Variants in MTUS2 observed in about 807,000 individuals in gnomAD.
MTUS2 encodes microtubule-associated tumor suppressor candidate 2.
Under a neutral mutation model 114.1 loss-of-function variants are expected in MTUS2, and 40 were observed. The observed-to-expected ratio is 0.35, with a 90% CI of 0.27 to 0.46. MTUS2 has a LOEUF of 0.46. MTUS2 is among the 20% of genes least tolerant of loss of function. The pLI, the probability that MTUS2 is intolerant of heterozygous loss-of-function variation, is 1.00. For synonymous variants in MTUS2, 688 were observed against 672.0 expected (o/e 1.02, Z -0.37); for missense variants, 1,679 against 1,705.4 (o/e 0.98, Z 0.27).
chr13:28,870,522 C>T (rs1877558488), intron 2 of MTUS2, among the ~76,000 whole-genome samples: 1 of 152,080 alleles, frequency 6.6e-6, no homozygotes, highest in African/African-American at 2.4e-5. Context: ...ATTGACTGCC[C>T]AGGTTATGGA....
chr13:29,439,478 G>T (rs1593444675), intron 8 of MTUS2, among the ~76,000 whole-genome samples: 1 of 152,242 alleles, frequency 6.6e-6, no homozygotes, highest in East Asian at 1.9e-4. Flanking sequence ...AAAGAGAAAT[G>T]TTTCATGCTA....
At chr13:28,886,949 G>T (rs1308769821) in intron 2 of MTUS2, among the ~76,000 whole-genome samples, 11 of 152,210 alleles carry the variant, frequency 7.2e-5, no homozygotes, top group Non-Finnish European at 1.5e-4. Context: ...TGGCAGGTTG[G>T]AGCGCTAGGA....
chr13:29,131,841 A>G (rs553907004), intron 5 of MTUS2, among the ~76,000 whole-genome samples: 1 of 152,374 alleles, frequency 6.6e-6, no homozygotes, highest in South Asian at 2.1e-4. Context: ...ATCAAATGAA[A>G]GTCATCCCTA....
intron 5 of MTUS2, among the ~76,000 whole-genome samples, chr13:29,126,160 C>T (rs774831015): frequency 3.1e-4 from 47 of 152,116 alleles, no homozygotes; most frequent in Non-Finnish European, 5.1e-4. Flanking sequence ...TGTCCTCATA[C>T]CTGCACTTCC....
chr13:29,265,822 A>G (rs993918223), intron 5 of MTUS2, among the ~76,000 whole-genome samples: 7 of 152,220 alleles, frequency 4.6e-5, no homozygotes, highest in African/African-American at 9.6e-5. Context: ...ATCCACTGCC[A>G]TGATTCAAAC....
At chr13:29,491,350 G>A (rs1244541067) in intron 11 of MTUS2, among the ~76,000 whole-genome samples, 1 of 150,398 alleles carries the variant, frequency 6.6e-6, no homozygotes, top group Non-Finnish European at 1.5e-5. Context: ...GGTGTGTTAT[G>A]CGTGTGTGGT....
At chr13:29,501,548 A>G (rs1233633270) in intron 15 of MTUS2, among the ~76,000 whole-genome samples, 2 of 152,224 alleles carry the variant, frequency 1.3e-5, no homozygotes, top group Admixed American at 6.5e-5. Flanking sequence ...CCCAACTTCC[A>G]GAAATTCACA....
chr13:29,005,226 T>G (rs1015143633), intron 2 of MTUS2, among the ~76,000 whole-genome samples: 1 of 152,168 alleles, frequency 6.6e-6, no homozygotes, highest in South Asian at 2.1e-4. Flanking sequence ...TGATGAGTAC[T>G]CAGCCACCAG....
intron 2 of MTUS2, among the ~76,000 whole-genome samples, chr13:29,018,039 G>GT (rs1272812842): frequency 6.6e-6 from 1 of 152,194 alleles, no homozygotes; most frequent in Non-Finnish European, 1.5e-5. Context: ...AAAATACCTA[G>GT]TTCCACCTCT....
At chr13:29,222,437 T>G (rs758668775) in intron 5 of MTUS2, among the ~76,000 whole-genome samples, 28 of 152,256 alleles carry the variant, frequency 1.8e-4, no homozygotes, top group Admixed American at 7.9e-4. Flanking sequence ...TTGTTAGGAT[T>G]TATATTAAAA....
chr13:29,041,998 C>T (rs1204311386), intron 4 of MTUS2, among the ~76,000 whole-genome samples: 2 of 152,098 alleles, frequency 1.3e-5, no homozygotes, highest in Non-Finnish European at 2.9e-5. Context: ...ACTTCCAGTA[C>T]TATGTTGAAG....
chr13:29,244,994 TGAGTG>T (rs1164124911), intron 5 of MTUS2, among the ~76,000 whole-genome samples: 1 of 143,906 alleles, frequency 6.9e-6, no homozygotes, highest in East Asian at 2.1e-4. Flanking sequence ...AAAAGTCTGT[TGAGTG>T]GAAGATGTAA....
At chr13:29,171,996 T>TC (rs1437301275) in intron 5 of MTUS2, among the ~76,000 whole-genome samples, 2 of 152,200 alleles carry the variant, frequency 1.3e-5, no homozygotes, top group African/African-American at 4.8e-5. Flanking sequence ...TCCTGTTTCT[T>TC]CCAGGTGGCC....
At chr13:29,215,179 C>T (rs144933566) in intron 5 of MTUS2, among the ~76,000 whole-genome samples, 47 of 151,762 alleles carry the variant, frequency 3.1e-4, no homozygotes, top group African/African-American at 8.7e-4. Context: ...GTATGCTTCA[C>T]GAAGTTCTCT....
intron 5 of MTUS2, among the ~76,000 whole-genome samples, chr13:29,168,138 T>C (rs1442222475): frequency 1.3e-5 from 2 of 152,208 alleles, no homozygotes; most frequent in Non-Finnish European, 2.9e-5. Context: ...GGAGGATATA[T>C]TCTGAACATT....
At chr13:28,837,294 G>GT (rs1217685631) in intron 1 of MTUS2, among the ~76,000 whole-genome samples, 2 of 152,216 alleles carry the variant, frequency 1.3e-5, no homozygotes, top group Non-Finnish European at 2.9e-5. Context: ...GCAGCCACCT[G>GT]TTTCGGGTTT....
chr13:29,315,918 C>T (rs1899969245), intron 6 of MTUS2, among the ~76,000 whole-genome samples: 2 of 152,018 alleles, frequency 1.3e-5, no homozygotes, highest in South Asian at 2.1e-4. Flanking sequence ...ATTTCAGAGG[C>T]GAAGTTTAAG....
chr13:29,192,695 A>G (rs932033704), intron 5 of MTUS2, among the ~76,000 whole-genome samples: 3 of 152,190 alleles, frequency 2.0e-5, no homozygotes, highest in Non-Finnish European at 4.4e-5. Context: ...CTTAAAGTTA[A>G]AAAAACTTAT....
chr13:29,412,803 G>A (rs1487415965), intron 8 of MTUS2, among the ~76,000 whole-genome samples: 3 of 152,090 alleles, frequency 2.0e-5, no homozygotes, highest in African/African-American at 7.2e-5. Context: ...GAGGCAGGAG[G>A]ATTGCTTGAG....
Sources: gnomAD v4.1 joint callset for allele counts (sites outside exome capture counted in the v4.1 genomes callset) on GRCh38, gnomAD v4.1.1 for gene constraint, MANE v1.5 for transcripts, NCBI Gene and HGNC (gene_info 2026-07-23, HGNC 2026-07-21) for gene names.